The following PEPD variants were observed in gnomAD, a reference collection of about 807,000 sequenced individuals.
PEPD encodes xaa-Pro dipeptidase.
Under a neutral mutation model 60.7 loss-of-function variants are expected in PEPD, and 53 were observed. That is an observed-to-expected ratio of 0.87 (90% CI 0.70 to 1.10). The LOEUF (loss-of-function observed/expected upper bound fraction) is 1.10. Ranked by LOEUF, PEPD falls within the 50% of genes least tolerant of loss-of-function variation. The pLI, the probability that PEPD is intolerant of heterozygous loss-of-function variation, is 0.00. For missense variants in PEPD, 711 were observed against 711.9 expected (o/e 1.00, Z 0.01); for synonymous variants, 267 against 284.1 (o/e 0.94, Z 0.60).
chr19:33,392,467 C>T (rs188505159), intron 12 of PEPD, among the ~76,000 whole-genome samples: 2 of 152,334 alleles, frequency 1.3e-5, no homozygotes, highest in East Asian at 3.9e-4. Flanking sequence ...GGCCTCCTGC[C>T]CTGGCCCCAT....
At position 33,493,229 on chromosome 19, in the gene PEPD, C is replaced by T. The variant is rs369984274; in HGVS notation, c.441+61G>A. 2.6e-4 allele frequency: 306 copies of T among 1,177,294 alleles called. No homozygotes were observed. The African/African-American group carries it at 4.2e-3, about 16-fold the overall frequency. The allele number at this position is 1,177,294 out of a possible 1,614,324, so 72.9% of individuals were successfully genotyped here. A position where few individuals can be genotyped will look rare whatever the true frequency, so the allele number is the denominator to read the frequency against. On this transcript the variant is annotated intron_variant, in intron 5 of 14. Transcript: ENST00000244137. ...GGCCCGACCTCTGCAGGAGAGGTGG[C>T]CCCCATAAAAACCCTCCCCAGAGCC...
At chr19:33,416,063 A>T (rs1190483504) in intron 9 of PEPD, among the ~76,000 whole-genome samples, 1 of 152,200 alleles carries the variant, frequency 6.6e-6, no homozygotes, top group Non-Finnish European at 1.5e-5. Context: ...GGGCCTGTGG[A>T]AGCGTGTGAG....
intron 3 of PEPD, 44 bp from the exon 4 acceptor site, chr19:33,501,045 T>C (rs990381311): frequency 1.8e-6 from 2 of 1,120,856 alleles, no homozygotes; most frequent in African/African-American, 3.1e-5. Context: ...GGCTTGGTAA[T>C]GGCTCAGCAT....
At chr19:33,517,715 C>G (rs1236258636) in intron 1 of PEPD, among the ~76,000 whole-genome samples, 3 of 151,876 alleles carry the variant, frequency 2.0e-5, no homozygotes, top group Admixed American at 6.6e-5. Flanking sequence ...GCCTGTAATA[C>G]CAGCACTTGG....
chr19:33,472,617 A>C (rs1970141877), intron 7 of PEPD, among the ~76,000 whole-genome samples: 1 of 152,250 alleles, frequency 6.6e-6, no homozygotes, highest in Non-Finnish European at 1.5e-5. Flanking sequence ...AAGTCACAGC[A>C]CTGCCTCTGA....
At chr19:33,446,439 T>G (rs1969595149) in intron 9 of PEPD, among the ~76,000 whole-genome samples, 1 of 152,208 alleles carries the variant, frequency 6.6e-6, no homozygotes, top group Non-Finnish European at 1.5e-5. Flanking sequence ...TGCTAAGACC[T>G]AGACCCACCC....
chr19:33,401,871 T>C lies in PEPD; in HGVS notation c.819-2A>G. ...TACTCACCGCCCATGTCGAACAGGC[T>C]GCGGAGAGAGGAAGGCAGGGCAAGT... On this transcript the variant is annotated splice_acceptor_variant, in intron 11 of 14. Coordinates refer to ENST00000244137, the MANE Select transcript of PEPD (RefSeq NM_000285.4). LOFTEE classifies it high-confidence loss of function. 1 of 1,612,956 alleles carries C rather than the reference T, an allele frequency of 6.2e-7. No homozygotes were observed. The highest frequency in any genetic ancestry group is 1.1e-5 in the South Asian group (1 of 91,044).
At chr19:33,511,989 C>A (rs577267894) in intron 2 of PEPD, among the ~76,000 whole-genome samples, 2 of 152,112 alleles carry the variant, frequency 1.3e-5, no homozygotes, top group Non-Finnish European at 2.9e-5. Flanking sequence ...GGAAGCCACG[C>A]CTTCCCATAT....
chr19:33,456,621 C>T (rs999815921), intron 9 of PEPD, among the ~76,000 whole-genome samples: 1 of 152,202 alleles, frequency 6.6e-6, no homozygotes, highest in African/African-American at 2.4e-5. Context: ...CCCATCAACA[C>T]AGCCTTCAGA....
chr19:33,508,771 G>A (rs373996924), intron 3 of PEPD, among the ~76,000 whole-genome samples: 2 of 152,368 alleles, frequency 1.3e-5, no homozygotes, highest in East Asian at 3.9e-4. Flanking sequence ...ATGAGGCCCA[G>A]ACCTGGGACA....
At chr19:33,515,191 C>G (rs1237996699) in intron 1 of PEPD, among the ~76,000 whole-genome samples, 1 of 152,162 alleles carries the variant, frequency 6.6e-6, no homozygotes, top group Non-Finnish European at 1.5e-5. Flanking sequence ...CACGGGGCCA[C>G]ACACACAGCT....
intron 4 of PEPD, among the ~76,000 whole-genome samples, chr19:33,496,321 G>A (rs1970602431): frequency 6.6e-6 from 1 of 152,174 alleles, no homozygotes; most frequent in African/African-American, 2.4e-5. Flanking sequence ...GGGGAGAGCA[G>A]CCGTCTCCTT....
chr19:33,387,297 AGG>A lies in PEPD; in HGVS notation c.*45_*46del. ...CCAGCAGGCTGCCCATCACGAAAAG[AGG>A]TTGCAAGGCCAGGCCCCCAGGTGCG... On this transcript the variant is annotated 3_prime_UTR_variant, in exon 15 of 15. Transcript: ENST00000244137. The A allele has an allele frequency of 1.2e-6, 2 of 1,610,382 alleles. No individual in the cohort carries two copies. Among genetic ancestry groups the A allele is most frequent in the Non-Finnish European group, 1.7e-6 (2 of 1,178,264 alleles).
chr19:33,419,837 T>C (rs1344534492), intron 9 of PEPD, among the ~76,000 whole-genome samples: 1 of 151,708 alleles, frequency 6.6e-6, no homozygotes, highest in Non-Finnish European at 1.5e-5. Context: ...GGCCAGCCGG[T>C]GGAAAGCAGG....
At chr19:33,488,349 C>T (rs1045454672) in intron 6 of PEPD, among the ~76,000 whole-genome samples, 18 of 152,134 alleles carry the variant, frequency 1.2e-4, no homozygotes, top group Non-Finnish European at 1.9e-4. Flanking sequence ...CCAGGTTACA[C>T]GTGGAGGAGC....
At chr19:33,513,304 G>C (rs944389946) in intron 1 of PEPD, among the ~76,000 whole-genome samples, 2 of 152,118 alleles carry the variant, frequency 1.3e-5, no homozygotes, top group African/African-American at 4.8e-5. Context: ...TCAGCTCAAA[G>C]GACCATCTGC....
At chr19:33,493,638 C>T (rs1490326301) in intron 4 of PEPD, among the ~76,000 whole-genome samples, 3 of 152,112 alleles carry the variant, frequency 2.0e-5, no homozygotes, top group Non-Finnish European at 4.4e-5. Flanking sequence ...CCAGCCCTAC[C>T]CACCCTCCAA....
chr19:33,480,813 C>CGTGT (rs67751032), intron 6 of PEPD, among the ~76,000 whole-genome samples: 2,433 of 127,814 alleles, frequency 0.019, 50 homozygotes, highest in East Asian at 0.12. Context: ...ATATATATAG[C>CGTGT]GTGTGTGTGT....
rs375857352 is a variant in PEPD at position 33,494,279 on chromosome 19, C to G, written c.394-942G>C. 1.2e-4 allele frequency among the ~76,000 whole-genome samples: 19 copies of G among 152,300 alleles called. 2 individuals are homozygous for G. Among genetic ancestry groups the G allele is most frequent in the African/African-American group, 4.6e-4 (19 of 41,558 alleles). ...CACCCCTATCCTAACTCTTTACACC[C>G]GAAACGCAGGGGGAGAGTGAGGAGA... On this transcript the variant is annotated intron_variant, in intron 4 of 14. Coordinates refer to ENST00000244137, the MANE Select transcript of PEPD (RefSeq NM_000285.4).
Sources: allele counts gnomAD v4.1 joint callset (sites outside exome capture counted in the v4.1 genomes callset), GRCh38; gene constraint gnomAD v4.1.1; transcripts MANE v1.5; gene names NCBI Gene and HGNC (gene_info 2026-07-23, HGNC 2026-07-21).